MEIS2: variants seen among roughly 807,000 people sequenced by gnomAD.
MEIS2 encodes the protein Meis homeobox 2.
MEIS2 carries 9 observed loss-of-function variants against 58.6 expected under a neutral mutation model. That is an observed-to-expected ratio of 0.15 (90% confidence interval 0.09 to 0.27). The LOEUF (loss-of-function observed/expected upper bound fraction) is 0.27, where lower values mean the gene tolerates loss of function less well. Among genes scored for constraint, MEIS2 ranks in the 10% least tolerant of loss-of-function variants. The pLI is 1.00. For missense variants in MEIS2, 427 were observed against 635.0 expected, an observed-to-expected ratio of 0.67 and a Z score of 3.52; for synonymous variants, 221 against 228.4, an observed-to-expected ratio of 0.97 and a Z score of 0.29.
At chr15:37,045,598 C>CT (rs1254899189) in intron 7 of MEIS2, among the ~76,000 whole-genome samples, 1 of 152,072 alleles carries the variant, frequency 6.6e-6, no homozygotes, top group Admixed American at 6.5e-5. Flanking sequence ...TGCAATTTAC[C>CT]TTTTTTTCAC....
intron 8 of MEIS2, among the ~76,000 whole-genome samples, chr15:36,985,175 G>A (rs1372875137): frequency 6.6e-6 from 1 of 151,982 alleles, no homozygotes; most frequent in East Asian, 1.9e-4. Context: ...TCCATTCTCT[G>A]TTGTTCATAT....
At chr15:36,990,169 TCTC>T (rs893830085) in intron 8 of MEIS2, among the ~76,000 whole-genome samples, 3 of 151,990 alleles carry the variant, frequency 2.0e-5, no homozygotes, top group Non-Finnish European at 4.4e-5. Flanking sequence ...ATGGTCTTGA[TCTC>T]CTGACCTCGT....
intron 8 of MEIS2, among the ~76,000 whole-genome samples, chr15:36,980,117 G>A (rs2059885238): frequency 6.6e-6 from 1 of 151,738 alleles, no homozygotes; most frequent in African/African-American, 2.4e-5. Flanking sequence ...TAACTTATTT[G>A]TAAGAGTTCT....
At chr15:37,018,147 T>C (rs1431934410) in intron 8 of MEIS2, among the ~76,000 whole-genome samples, 4 of 152,220 alleles carry the variant, frequency 2.6e-5, no homozygotes, top group Admixed American at 6.5e-5. Context: ...ATAAGAGATA[T>C]TGAAGCTCCA....
intron 8 of MEIS2, among the ~76,000 whole-genome samples, chr15:37,029,088 G>T (rs893789308): frequency 6.6e-6 from 1 of 152,092 alleles, no homozygotes; most frequent in Non-Finnish European, 1.5e-5. Context: ...CAGTTCAGAC[G>T]ATCTCTAGTA....
At chr15:36,913,280 ATT>A (rs1439930242) in intron 9 of MEIS2, among the ~76,000 whole-genome samples, 1 of 152,220 alleles carries the variant, frequency 6.6e-6, no homozygotes, top group African/African-American at 2.4e-5. Context: ...TGCAGATTAT[ATT>A]TTTATATTTT....
intron 4 of MEIS2, 66 bp from the exon 5 acceptor site, chr15:37,094,643 G>T: frequency 7.0e-7 from 1 of 1,424,328 alleles, no homozygotes; most frequent in Non-Finnish European, 9.8e-7. Context: ...TTGGGGTTGG[G>T]AGTGGGGTGA....
chr15:36,897,376 C>T (rs2056233718), intron 9 of MEIS2: 2 of 152,200 alleles, frequency 1.3e-5, no homozygotes, highest in African/African-American at 4.8e-5. Context: ...GCCTCAGGTA[C>T]ACATGTTTGA....
intron 6 of MEIS2, among the ~76,000 whole-genome samples, chr15:37,088,715 A>T (rs1893180162): frequency 6.6e-6 from 1 of 152,172 alleles, no homozygotes; most frequent in Non-Finnish European, 1.5e-5. Flanking sequence ...ATATGTAAGC[A>T]ACTCTCACAG....
At chr15:37,037,341 G>A (rs892306439) in intron 7 of MEIS2, among the ~76,000 whole-genome samples, 6 of 152,294 alleles carry the variant, frequency 3.9e-5, no homozygotes, top group Admixed American at 2.0e-4. Context: ...ATGTTCTGTA[G>A]TCTATATATT....
intron 8 of MEIS2, among the ~76,000 whole-genome samples, chr15:37,001,371 C>T (rs745625864): frequency 2.6e-5 from 4 of 152,148 alleles, no homozygotes; most frequent in Non-Finnish European, 5.9e-5. Context: ...TCTTCCTACT[C>T]CAGCCCTTTA....
At chr15:37,070,730 G>C (rs1446573236) in intron 7 of MEIS2, among the ~76,000 whole-genome samples, 2 of 151,974 alleles carry the variant, frequency 1.3e-5, no homozygotes, top group African/African-American at 4.8e-5. Context: ...GTTAATAATT[G>C]CAACAATGCT....
chr15:36,976,775 T>C (rs1035398466), intron 8 of MEIS2, among the ~76,000 whole-genome samples: 8 of 152,174 alleles, frequency 5.3e-5, no homozygotes, highest in Non-Finnish European at 4.4e-5. Context: ...CCACCTACTA[T>C]GGGCAAGGAC....
chr15:36,930,069 G>T (rs934964807), intron 9 of MEIS2, among the ~76,000 whole-genome samples: 1 of 151,992 alleles, frequency 6.6e-6, no homozygotes, highest in South Asian at 2.1e-4. Flanking sequence ...CGACTGCCAT[G>T]GTGGGCACCT....
intron 6 of MEIS2, among the ~76,000 whole-genome samples, chr15:37,088,112 G>A (rs1893105964): frequency 6.6e-6 from 1 of 152,116 alleles, no homozygotes; most frequent in African/African-American, 2.4e-5. Context: ...GTGAACTTAA[G>A]CAAGTGATGT....
intron 7 of MEIS2, among the ~76,000 whole-genome samples, chr15:37,064,680 AG>A (rs1434860199): frequency 7.9e-5 from 12 of 152,214 alleles, no homozygotes; most frequent in Admixed American, 7.9e-4. Flanking sequence ...ACTTGAGCAA[AG>A]GAAGGTTATA....
intron 9 of MEIS2, among the ~76,000 whole-genome samples, chr15:36,927,423 G>A (rs1304696615): frequency 1.3e-5 from 2 of 152,072 alleles, no homozygotes; most frequent in African/African-American, 2.4e-5. Flanking sequence ...GGGCTCTGAT[G>A]GGAAAATAAG....
At chr15:36,942,306 T>G (rs2058403774) in intron 9 of MEIS2, among the ~76,000 whole-genome samples, 1 of 152,164 alleles carries the variant, frequency 6.6e-6, no homozygotes, top group South Asian at 2.1e-4. Context: ...AAAGCAATAT[T>G]TTTTACAAAG....
At chr15:37,094,093 A>AT (rs5811966) in intron 5 of MEIS2, 140,610 of 254,376 alleles carry the variant, frequency 0.55, 40,037 homozygotes, top group South Asian at 0.62. Flanking sequence ...AACGTTTGTG[A>AT]TTTTATAAGC....
Sources: allele counts gnomAD v4.1 joint callset (sites outside exome capture counted in the v4.1 genomes callset), GRCh38; gene constraint gnomAD v4.1.1; transcripts MANE v1.5; gene names NCBI Gene and HGNC (gene_info 2026-07-23, HGNC 2026-07-21).